GPC5: variants seen among roughly 807,000 people sequenced by gnomAD.
GPC5 encodes the protein glypican 5, also known as glypican-5.
In GPC5, 47 loss-of-function variants were observed where a neutral mutation model predicts 53.9. The observed-to-expected ratio is 0.87, with a 90% confidence interval of 0.69 to 1.11. The LOEUF (loss-of-function observed/expected upper bound fraction) is 1.11. GPC5 is among the 50% of genes most tolerant of loss of function. The probability of loss-of-function intolerance (pLI) is 0.00; values close to 1 mark genes in which losing one functional copy is unlikely to be tolerated. For missense variants in GPC5, 748 were observed against 713.1 expected, an observed-to-expected ratio of 1.05 and a Z score of -0.56; for synonymous variants, 286 against 263.3, an observed-to-expected ratio of 1.09 and a Z score of -0.84.
chr13:92,149,890 AAT>A (rs1249344214), intron 7 of GPC5, among the ~76,000 whole-genome samples: 49 of 151,950 alleles, frequency 3.2e-4, no homozygotes, highest in South Asian at 2.1e-4. Flanking sequence ...TTTTCCTATC[AAT>A]ATGAGTTCAA....
rs199626236 is a variant in GPC5, at chr13:92,047,385, TC to T, written c.1402-97443del. Among the ~76,000 whole-genome samples the T allele has an allele frequency of 8.1e-3, 1,228 of 152,016 alleles. 19 individuals are homozygous for T. Among genetic ancestry groups the T allele is most frequent in the African/African-American group, 0.028 (1,142 of 41,518 alleles). On this transcript the variant is annotated intron_variant, in intron 6 of 7. Transcript: ENST00000377067. ...CCCAGAATATTAATGACAAATGTCT[TC>T]CTCCATCAAATTTTTTCTCATTCCT...
At chr13:91,439,354 G>A (rs1880248670) in intron 1 of GPC5, among the ~76,000 whole-genome samples, 1 of 152,194 alleles carries the variant, frequency 6.6e-6, no homozygotes, top group Non-Finnish European at 1.5e-5. Flanking sequence ...GAATTATCTA[G>A]CCCCAAGTAT....
chr13:91,879,613 T>A (rs2039242796), intron 5 of GPC5, among the ~76,000 whole-genome samples: 1 of 152,068 alleles, frequency 6.6e-6, no homozygotes, highest in Non-Finnish European at 1.5e-5. Context: ...AGGTTGCTAA[T>A]CCCATTAATG....
At chr13:91,448,322 T>C (rs1052373586) in intron 1 of GPC5, among the ~76,000 whole-genome samples, 4 of 152,240 alleles carry the variant, frequency 2.6e-5, no homozygotes, top group Admixed American at 2.0e-4. Flanking sequence ...GTCAAGTTTT[T>C]TGACCTTTAT....
intron 7 of GPC5, among the ~76,000 whole-genome samples, chr13:92,846,410 G>C (rs1243188194): frequency 1.3e-5 from 2 of 152,130 alleles, no homozygotes; most frequent in East Asian, 3.8e-4. Flanking sequence ...TAATACTTTA[G>C]TAAAGTATAG....
intron 6 of GPC5, among the ~76,000 whole-genome samples, chr13:91,940,040 A>T (rs1311359795): frequency 6.6e-6 from 1 of 152,082 alleles, no homozygotes; most frequent in Non-Finnish European, 1.5e-5. Context: ...ACAGTTCTTG[A>T]TAATATTCTC....
At chr13:91,680,004 A>G (rs1337570526) in intron 2 of GPC5, among the ~76,000 whole-genome samples, 1 of 152,082 alleles carries the variant, frequency 6.6e-6, no homozygotes, top group Non-Finnish European at 1.5e-5. Flanking sequence ...TTTGGCAAAC[A>G]TTTTCTTAAA....
chr13:92,662,816 GTTCTCCT>G (rs1199468444), intron 7 of GPC5, among the ~76,000 whole-genome samples: 1 of 152,164 alleles, frequency 6.6e-6, no homozygotes, highest in South Asian at 2.1e-4. Flanking sequence ...GGCTAAAGCT[GTTCTCCT>G]TGGGCTTTGC....
intron 6 of GPC5, among the ~76,000 whole-genome samples, chr13:91,963,580 T>C (rs547740364): frequency 6.6e-6 from 1 of 152,214 alleles, no homozygotes; most frequent in Non-Finnish European, 1.5e-5. Context: ...TATGGAATAC[T>C]TTACAGCAGT....
intron 7 of GPC5, among the ~76,000 whole-genome samples, chr13:92,751,791 A>T (rs776321234): frequency 3.4e-4 from 52 of 152,302 alleles, no homozygotes; most frequent in Admixed American, 2.3e-3. Flanking sequence ...CGTATGAGGG[A>T]CATGACTTAA....
chr13:91,749,387 A>G (rs567313744), intron 4 of GPC5, among the ~76,000 whole-genome samples: 1 of 152,322 alleles, frequency 6.6e-6, no homozygotes, highest in South Asian at 2.1e-4. Flanking sequence ...GTAGTATTCC[A>G]TTGTGTATAA....
intron 7 of GPC5, among the ~76,000 whole-genome samples, chr13:92,512,618 T>G (rs1238967976): frequency 3.3e-5 from 5 of 152,218 alleles, no homozygotes; most frequent in Non-Finnish European, 7.3e-5. Flanking sequence ...TTTCTTCATT[T>G]TCCCTATGCC....
At position 91,478,711 on chromosome 13, in the gene GPC5, C is replaced by T. The variant is rs148845043; in HGVS notation, c.325+29789C>T. 7.3e-3 allele frequency among the ~76,000 whole-genome samples: 1,073 copies of T among 147,630 alleles called. 16 individuals are homozygous for T. The highest frequency in any genetic ancestry group is 0.024 in the Middle Eastern group (7 of 290). On this transcript the variant is annotated intron_variant, in intron 2 of 7. Coordinates refer to ENST00000377067, the MANE Select transcript of GPC5 (RefSeq NM_004466.6). ...GCATAACAACATAATAGAAAATCAG[C>T]TATGAATCAGGAGGATTGGGCTCAG... is the stretch of plus-strand genomic sequence containing the variant.
chr13:92,407,424 G>T (rs1875841202), intron 7 of GPC5, among the ~76,000 whole-genome samples: 1 of 152,068 alleles, frequency 6.6e-6, no homozygotes. Flanking sequence ...TTGTGTTTGA[G>T]ATATTAAGCC....
At chr13:92,212,486 T>C (rs996552915) in intron 7 of GPC5, among the ~76,000 whole-genome samples, 1 of 152,190 alleles carries the variant, frequency 6.6e-6, no homozygotes, top group African/African-American at 2.4e-5. Flanking sequence ...AACTCTTCCA[T>C]TGCTTAAGAC....
chr13:92,572,742 G>A (rs1468257388), intron 7 of GPC5, among the ~76,000 whole-genome samples: 1 of 152,012 alleles, frequency 6.6e-6, no homozygotes, highest in Admixed American at 6.6e-5. Context: ...GACACAAAAT[G>A]TCTAGCTTCA....
chr13:92,115,924 G>A (rs569335827), intron 6 of GPC5, among the ~76,000 whole-genome samples: 29 of 152,060 alleles, frequency 1.9e-4, no homozygotes, highest in Non-Finnish European at 3.7e-4. Flanking sequence ...TCATCAGAGT[G>A]GGCCCTAATC....
intron 5 of GPC5, among the ~76,000 whole-genome samples, chr13:91,891,429 T>C (rs114959420): frequency 0.014 from 2,082 of 152,268 alleles, 15 homozygotes; most frequent in Middle Eastern, 0.061. Context: ...GTTTAAAGCC[T>C]TGGTAATACA....
intron 5 of GPC5, among the ~76,000 whole-genome samples, chr13:91,779,475 C>T (rs2037762762): frequency 6.6e-6 from 1 of 152,112 alleles, no homozygotes; most frequent in Non-Finnish European, 1.5e-5. Context: ...ATCCTCCCAC[C>T]TCAGCCTCCT....
Sources: gnomAD v4.1 joint callset for allele counts (sites outside exome capture counted in the v4.1 genomes callset) on GRCh38, gnomAD v4.1.1 for gene constraint, MANE v1.5 for transcripts, NCBI Gene and HGNC (gene_info 2026-07-23, HGNC 2026-07-21) for gene names.